Variants in POFUT3 observed in about 807,000 individuals in gnomAD.
POFUT3 encodes GDP-fucose protein O-fucosyltransferase 3.
At chr8:33,434,936 G>A in the POFUT3 span, among the ~76,000 whole-genome samples, 8 of 152,326 alleles carry the variant, frequency 5.3e-5, no homozygotes, top group South Asian at 1.7e-3. Context: ...GGCTAGTGGT[G>A]CAGATGCTGT....
the POFUT3 span, among the ~76,000 whole-genome samples, chr8:33,353,033 G>A: frequency 0.013 from 2,024 of 152,304 alleles, 46 homozygotes; most frequent in African/African-American, 0.045. Flanking sequence ...CATAAGAGGA[G>A]AGCAACATTT....
At chr8:33,312,036 C>A in the POFUT3 span, among the ~76,000 whole-genome samples, 1 of 152,146 alleles carries the variant, frequency 6.6e-6, no homozygotes, top group East Asian at 1.9e-4. Context: ...CCAAAGCGGG[C>A]AGATCACTTG....
chr8:33,360,645 C>T, the POFUT3 span, among the ~76,000 whole-genome samples: 21 of 152,238 alleles, frequency 1.4e-4, no homozygotes, highest in South Asian at 3.1e-3. Context: ...AATAGCGCCT[C>T]TTCCACTCTC....
At chr8:33,343,833 A>ACATT in the POFUT3 span, among the ~76,000 whole-genome samples, 1 of 152,196 alleles carries the variant, frequency 6.6e-6, no homozygotes, top group Non-Finnish European at 1.5e-5. Flanking sequence ...AGTCAAGCTA[A>ACATT]CATTTGCTAA....
chr8:33,353,398 GAC>G, the POFUT3 span, among the ~76,000 whole-genome samples: 2 of 152,174 alleles, frequency 1.3e-5, no homozygotes, highest in Non-Finnish European at 2.9e-5. Flanking sequence ...TGATCAAGTT[GAC>G]ACAGACTAAA....
At chr8:33,375,551 G>A in the POFUT3 span, among the ~76,000 whole-genome samples, 201 of 152,104 alleles carry the variant, frequency 1.3e-3, no homozygotes, top group African/African-American at 4.7e-3. Context: ...CAGGTACATG[G>A]AAAAATAATC....
At chr8:33,379,860 T>G in the POFUT3 span, among the ~76,000 whole-genome samples, 1 of 128,502 alleles carries the variant, frequency 7.8e-6, no homozygotes, top group Non-Finnish European at 1.6e-5. Context: ...TATATATATA[T>G]ATATAATATA....
the POFUT3 span, among the ~76,000 whole-genome samples, chr8:33,442,974 G>A: frequency 6.6e-6 from 1 of 152,120 alleles, no homozygotes; most frequent in Non-Finnish European, 1.5e-5. Context: ...TTAGCCAGGT[G>A]TGGTGGTGTG....
the POFUT3 span, chr8:33,451,796 A>G: frequency 6.6e-6 from 1 of 152,270 alleles, no homozygotes; most frequent in African/African-American, 2.4e-5. Flanking sequence ...ATTTACAATC[A>G]TGGCAGAAGG....
chr8:33,458,452 C>T, the POFUT3 span, among the ~76,000 whole-genome samples: 3 of 152,112 alleles, frequency 2.0e-5, no homozygotes, highest in African/African-American at 4.8e-5. Flanking sequence ...TGGTGGCTCA[C>T]GCCTGTAATA....
chr8:33,366,346 G>A, the POFUT3 span, among the ~76,000 whole-genome samples: 1 of 152,040 alleles, frequency 6.6e-6, no homozygotes, highest in Non-Finnish European at 1.5e-5. Context: ...CATGGCACAT[G>A]TATACCTATG....
chr8:33,353,642 T>C, the POFUT3 span, among the ~76,000 whole-genome samples: 2 of 152,184 alleles, frequency 1.3e-5, no homozygotes, highest in Non-Finnish European at 2.9e-5. Flanking sequence ...GGGAATGTGG[T>C]TGTGTTGAGC....
chr8:33,349,346 T>C, the POFUT3 span, among the ~76,000 whole-genome samples: 14 of 152,308 alleles, frequency 9.2e-5, no homozygotes, highest in African/African-American at 3.4e-4. Flanking sequence ...AGATAAGTTC[T>C]TTAGTAGTAA....
the POFUT3 span, among the ~76,000 whole-genome samples, chr8:33,364,445 T>G: frequency 1.3e-5 from 2 of 152,006 alleles, no homozygotes; most frequent in Admixed American, 6.6e-5. Flanking sequence ...GAGAAAGAAA[T>G]AAAGGGTATT....
chr8:33,337,476 G>T, the POFUT3 span, among the ~76,000 whole-genome samples: 1 of 152,154 alleles, frequency 6.6e-6, no homozygotes, highest in Non-Finnish European at 1.5e-5. Context: ...ACACATCAGA[G>T]TTGGAGCTGA....
chr8:33,438,572 C>A, the POFUT3 span, among the ~76,000 whole-genome samples: 21 of 152,310 alleles, frequency 1.4e-4, no homozygotes, highest in African/African-American at 4.8e-4. Context: ...GATAACAGAG[C>A]AAGACCTTGT....
chr8:33,419,912 G>A, the POFUT3 span, among the ~76,000 whole-genome samples: 1 of 152,130 alleles, frequency 6.6e-6, no homozygotes, highest in South Asian at 2.1e-4. Flanking sequence ...CAGATCCCTT[G>A]AGACTAGGAG....
the POFUT3 span, among the ~76,000 whole-genome samples, chr8:33,316,992 C>G: frequency 7.3e-4 from 110 of 151,560 alleles, no homozygotes; most frequent in African/African-American, 2.4e-3. Context: ...GAGACTGAGA[C>G]AGAACCCCCT....
At chr8:33,380,232 A>ATATATATATACTATATATATATATATAC in the POFUT3 span, among the ~76,000 whole-genome samples, 1 of 83,026 alleles carries the variant, frequency 1.2e-5, no homozygotes, top group African/African-American at 8.0e-5. Flanking sequence ...TATATATACT[A>ATATATATATACTATATATATATATATAC]TATATATATA....
Sources: gnomAD v4.1 joint callset for allele counts (sites outside exome capture counted in the v4.1 genomes callset) on GRCh38, gnomAD v4.1.1 for gene constraint, MANE v1.5 for transcripts, NCBI Gene and HGNC (gene_info 2026-07-23, HGNC 2026-07-21) for gene names.